Variants in SCUBE1 observed in about 807,000 individuals in gnomAD.
SCUBE1 encodes the protein signal peptide, CUB domain and EGF like domain containing 1, also known as signal peptide, CUB and EGF-like domain-containing protein 1.
Under a neutral mutation model 124.4 loss-of-function variants are expected in SCUBE1, and 59 were observed. That is an observed-to-expected ratio of 0.47 (90% CI 0.38 to 0.59). The LOEUF (loss-of-function observed/expected upper bound fraction) is 0.59. Ranked by LOEUF, SCUBE1 falls within the 20% of genes least tolerant of loss-of-function variation. The pLI is 0.00. For synonymous variants in SCUBE1, 545 were observed against 550.9 expected (o/e 0.99, Z 0.15); for missense variants, 1,150 against 1,371.2 (o/e 0.84, Z 2.55).
chr22:43,223,586 G>GT (rs1000067867), intron 10 of SCUBE1, among the ~76,000 whole-genome samples: 16 of 152,204 alleles, frequency 1.1e-4, no homozygotes, highest in African/African-American at 3.9e-4. Context: ...CCGTGGGGGG[G>GT]ATCGCTCGGA....
chr22:43,314,918 C>A (rs555066975), intron 3 of SCUBE1, among the ~76,000 whole-genome samples: 1 of 152,242 alleles, frequency 6.6e-6, no homozygotes, highest in South Asian at 2.1e-4. Context: ...AATATTTTAG[C>A]CATGTGGGAT....
intron 6 of SCUBE1, among the ~76,000 whole-genome samples, chr22:43,250,487 A>T (rs894328467): frequency 3.9e-5 from 6 of 152,198 alleles, no homozygotes; most frequent in African/African-American, 1.4e-4. Context: ...CTCCATAAGC[A>T]TCGCCAAGCA....
chr22:43,280,494 CGTCCCTTCCCCTCACCCATCCTG>C (rs1329252339), intron 4 of SCUBE1, among the ~76,000 whole-genome samples: 22 of 37,036 alleles, frequency 5.9e-4, no homozygotes, highest in African/African-American at 3.9e-3. Context: ...CACCCATCCC[CGTCCCTTCCCCTCACCCATCCTG>C]CTGTCCCTTC....
Position 43,206,788 on chromosome 22 carries a change from A to T in SCUBE1, c.2814+746T>A, listed in dbSNP as rs192323946. On this transcript the variant is annotated intron_variant, in intron 21 of 21. Transcript: ENST00000360835. ...TTTGGGAGCGATGCTCCCAGGGCGG[A>T]GCTGGGGGGACAGAGATTGCGGGGA... Among the ~76,000 whole-genome samples, 220 of 151,858 alleles carry T rather than the reference A, an allele frequency of 1.4e-3. 4 individuals are homozygous for T. In the East Asian group the frequency reaches 0.036, roughly 25 times the overall value.
At chr22:43,251,135 C>T (rs763582613) in intron 6 of SCUBE1, among the ~76,000 whole-genome samples, 18 of 152,114 alleles carry the variant, frequency 1.2e-4, no homozygotes, top group African/African-American at 1.4e-4. Context: ...GCGAGAGAGC[C>T]GGGGCAGAGG....
intron 6 of SCUBE1, 64 bp from the exon 7 acceptor site, chr22:43,239,018 C>A: frequency 7.6e-7 from 1 of 1,310,538 alleles, no homozygotes; most frequent in Non-Finnish European, 1.1e-6. Flanking sequence ...TTTCCCCTTC[C>A]GTGGAAAGAT....
chr22:43,315,330 C>A (rs1173167879), intron 3 of SCUBE1, among the ~76,000 whole-genome samples: 1 of 151,972 alleles, frequency 6.6e-6, no homozygotes, highest in African/African-American at 2.4e-5. Flanking sequence ...AGGTCCCGAA[C>A]TATAAAACTC....
In SCUBE1 at chr22:43,218,374, C is replaced by A; in HGVS notation, c.1772G>T (p.Arg591Leu). Residue 591 changes from arginine (R) to leucine (L), a missense_variant, in exon 15 of 22, where the codon CGG (arginine) becomes CTG (leucine). Physicochemically the swap from Arg to Leu is moderately radical, Grantham distance 102 (BLOSUM62 -2). Transcript: ENST00000360835. ...AIKTLRKSIGRQQFYVQVSGT... is the reference protein window; with the variant it reads ...AIKTLRKSIGLQQFYVQVSGT... ...TGAGACCTGGACATAGAACTGCTGC[C>A]GGCCGATGGACTTGCGCAGGGTCTT... is the stretch of plus-strand genomic sequence containing the variant. 8.1e-6 allele frequency: 13 copies of A among 1,613,482 alleles called. No individual in the cohort carries two copies. Among genetic ancestry groups the A allele is most frequent in the Non-Finnish European group, 1.1e-5 (13 of 1,180,040 alleles).
chr22:43,245,721 C>A (rs998757257), intron 6 of SCUBE1, among the ~76,000 whole-genome samples: 2 of 152,326 alleles, frequency 1.3e-5, no homozygotes. Flanking sequence ...CCTCTGCTGA[C>A]CTTAGCCCGG....
intron 4 of SCUBE1, among the ~76,000 whole-genome samples, chr22:43,284,666 G>A (rs2146743908): frequency 6.6e-6 from 1 of 152,376 alleles, no homozygotes; most frequent in East Asian, 1.9e-4. Flanking sequence ...GGCACTGTAA[G>A]GACGCAATGA....
chr22:43,337,122 A>T (rs534954315), intron 2 of SCUBE1, among the ~76,000 whole-genome samples: 1 of 152,182 alleles, frequency 6.6e-6, no homozygotes, highest in Non-Finnish European at 1.5e-5. Context: ...TCTCATCTTC[A>T]TACCCAGCAG....
chr22:43,291,601 C>T (rs1925363557), intron 3 of SCUBE1, among the ~76,000 whole-genome samples: 1 of 151,298 alleles, frequency 6.6e-6, no homozygotes, highest in South Asian at 2.1e-4. Context: ...ACGGTGGGCT[C>T]CCATGGCGCT....
In SCUBE1 at chr22:43,211,113, G is replaced by A; in HGVS notation, c.2222-30C>T. 2 of 1,584,222 alleles carry A rather than the reference G, an allele frequency of 1.3e-6. No individual in the cohort carries two copies. Among genetic ancestry groups the A allele is most frequent in the South Asian group, 1.1e-5 (1 of 88,372 alleles). The stretch of plus-strand genomic sequence containing the variant: ...CGGGGGACACAAGGCAGTGTGGTGG[G>A]TGTGGAGGGGTGCAGGGAAAGGGCA... On this transcript the variant is annotated intron_variant, in intron 17 of 21. Transcript: ENST00000360835. This position sits in a 1 kb window ranked among gnomAD's most constrained non-coding sequence, Gnocchi z 4.5.
Position 43,281,523 on chromosome 22 carries a change from C to CT in SCUBE1, c.484+9522_484+9523insA, listed in dbSNP as rs1159942391. 2.8e-3 allele frequency among the ~76,000 whole-genome samples: 249 copies of CT among 89,246 alleles called. 11 individuals are homozygous for CT. Among genetic ancestry groups the CT allele is most frequent in the Admixed American group, 5.3e-3 (39 of 7,402 alleles). 58.5% of individuals were successfully genotyped at this position (89,246 alleles called of 152,430 possible). A position where few individuals can be genotyped will look rare whatever the true frequency, so the allele number is the denominator to read the frequency against. On this transcript the variant is annotated intron_variant, in intron 4 of 21. Coordinates refer to ENST00000360835, the MANE Select transcript of SCUBE1 (RefSeq NM_173050.5). ...CTGTCACCTCCTCCTCAGCCACCCT[C>CT]CTGTCACCTCCCTCAGTCACCCTCC...
intron 4 of SCUBE1, among the ~76,000 whole-genome samples, chr22:43,290,741 C>A (rs1285819398): frequency 1.3e-5 from 2 of 152,252 alleles, no homozygotes; most frequent in Non-Finnish European, 2.9e-5. Flanking sequence ...TGGGGCCCCA[C>A]TCTTCCTGGC....
chr22:43,256,067 G>C (rs1427063455), intron 6 of SCUBE1, among the ~76,000 whole-genome samples: 4 of 152,164 alleles, frequency 2.6e-5, no homozygotes, highest in African/African-American at 9.7e-5. Context: ...GACAGCAGAG[G>C]CTCCGTCACA....
chr22:43,335,892 T>C (rs945890854), intron 2 of SCUBE1, among the ~76,000 whole-genome samples: 1 of 118,418 alleles, frequency 8.4e-6, no homozygotes, highest in East Asian at 2.3e-4. Flanking sequence ...GATGGTGATG[T>C]TGGTGGTGAT....
intron 6 of SCUBE1, among the ~76,000 whole-genome samples, chr22:43,251,119 G>A (rs1446511059): frequency 2.0e-5 from 3 of 152,214 alleles, no homozygotes; most frequent in Non-Finnish European, 2.9e-5. Context: ...GAGCAGTACT[G>A]GTGAGGCGAG....
At chr22:43,279,288 C>T (rs1924663582) in intron 4 of SCUBE1, among the ~76,000 whole-genome samples, 1 of 152,218 alleles carries the variant, frequency 6.6e-6, no homozygotes, top group African/African-American at 2.4e-5. Context: ...GGCTCAGGCC[C>T]CAGAGGCAGG....
Sources: gnomAD v4.1 joint callset for allele counts (sites outside exome capture counted in the v4.1 genomes callset) on GRCh38, gnomAD v4.1.1 for gene constraint, Gnocchi (gnomAD v3.1) non-coding constraint, MANE v1.5 for transcripts, NCBI Gene and HGNC (gene_info 2026-07-23, HGNC 2026-07-21) for gene names.